Variants in PDLIM2 observed in about 807,000 individuals in gnomAD.
PDLIM2 encodes PDZ and LIM domain 2, also known as PDZ and LIM domain protein 2.
PDLIM2 carries 51 observed loss-of-function variants against 54.1 expected under a neutral mutation model. The ratio of observed to expected loss-of-function variants is 0.94; its 90% confidence interval spans 0.75 to 1.19. The LOEUF is 1.19. Ranked by LOEUF, PDLIM2 falls within the 50% of genes most tolerant of loss-of-function variation. The pLI is 0.00. For missense variants in PDLIM2, 912 were observed against 874.0 expected (o/e 1.04, Z -0.55); for synonymous variants, 398 against 385.6 (o/e 1.03, Z -0.38).
At chr8:22,597,623 A>C (rs758512304), downstream of PDLIM2, 1 of 152,050 alleles carries the variant, frequency 6.6e-6, no homozygotes, top group Admixed American at 6.6e-5. Flanking sequence ...ATCCCGCCCC[A>C]CATTCTCCAA....
rs1336352241 is a variant in PDLIM2, at chr8:22,581,304, T to G, written c.844-75T>G. 2.0e-6 allele frequency: 3 copies of G among 1,522,358 alleles called. No homozygotes were observed. In the African/African-American group the frequency reaches 4.1e-5, roughly 21 times the overall value. 94.3% of individuals were successfully genotyped at this position (1,522,358 alleles called of 1,614,324 possible). On this transcript the variant is annotated intron_variant, in intron 2 of 9. Coordinates refer to ENST00000308354, the Ensembl canonical transcript of PDLIM2. ...CCTGGGTCAAGCCAGCCTCTGTGTT[T>G]CTTGGGTAGCAGAGTGGGAAGTCCC...
intron 6 of PDLIM2, chr8:22,587,948 C>T (rs564067193): frequency 1.3e-5 from 2 of 152,464 alleles, no homozygotes; most frequent in Admixed American, 6.5e-5. Context: ...AGCCCCTCTC[C>T]CTCTGGTTGG....
At chr8:22,584,045 A>G (rs1344523144) in intron 3 of PDLIM2, among the ~76,000 whole-genome samples, 1 of 151,886 alleles carries the variant, frequency 6.6e-6, no homozygotes, top group Non-Finnish European at 1.5e-5. Flanking sequence ...TCTGTCGCCC[A>G]GCCTGGAGTG....
At chr8:22,579,558 G>A in intron 1 of PDLIM2, 1 of 1,439,584 alleles carries the variant, frequency 6.9e-7, no homozygotes, top group Non-Finnish European at 9.1e-7. Context: ...CCGCGAGCCG[G>A]CCTCGGGGAC....
chr8:22,594,682 C>A, downstream of PDLIM2: 3 of 1,592,998 alleles, frequency 1.9e-6, no homozygotes, highest in Non-Finnish European at 2.6e-6. Flanking sequence ...CGGCCGCCCA[C>A]CAAGGGTTGG....
downstream of PDLIM2, chr8:22,594,407 C>A: frequency 6.4e-7 from 1 of 1,566,556 alleles, no homozygotes; most frequent in Non-Finnish European, 8.7e-7. Context: ...CTTCTTTTCC[C>A]TCCCTCAAAT....
chr8:22,585,251 C>A, intron 5 of PDLIM2, 70 bp from the exon 5 acceptor site: 1 of 1,600,562 alleles, frequency 6.2e-7, no homozygotes. Flanking sequence ...TGCTTGGGAG[C>A]CCGGGGCAGC....
chr8:22,587,349 T>C (rs2117355500), intron 6 of PDLIM2, among the ~76,000 whole-genome samples: 1 of 152,144 alleles, frequency 6.6e-6, no homozygotes, highest in South Asian at 2.1e-4. Flanking sequence ...TTGGGCAACA[T>C]AGTGAAACCC....
chr8:22,588,971 C>T (rs1028057938), intron 6 of PDLIM2: 5 of 474,864 alleles, frequency 1.1e-5, no homozygotes, highest in East Asian at 4.4e-5. Context: ...CAGATAATAG[C>T]GTGCGTGACA....
At chr8:22,579,287 G>A (rs1160892217) in exon 1 of PDLIM2, 6 of 1,381,390 alleles carry the variant, frequency 4.3e-6, no homozygotes, top group East Asian at 3.1e-5. Context: ...GCTCCTCTCC[G>A]CGCCCCTGTC....
intron 3 of PDLIM2, 81 bp from the exon 3 acceptor site, chr8:22,584,740 T>C: frequency 1.5e-6 from 2 of 1,362,864 alleles, no homozygotes; most frequent in Non-Finnish European, 2.1e-6. Context: ...GAGAACTAGA[T>C]CTGGGAACAG....
Position 22,589,564 on chromosome 8 carries a change from A to G in PDLIM2, c.1368-32A>G, listed in dbSNP as rs781362770. ...TTGCTTGCCTAAGCTCCGGCACGGG[A>G]CCCTCATTCCTGGCTGCCTCCCACC... is the stretch of plus-strand genomic sequence containing the variant. On this transcript the variant is annotated intron_variant, in intron 7 of 9. Coordinates refer to ENST00000308354, the Ensembl canonical transcript of PDLIM2. 41 of 1,567,128 alleles carry G rather than the reference A, an allele frequency of 2.6e-5. No homozygotes were observed. The Admixed American group carries it at 3.0e-4, about 11-fold the overall frequency.
chr8:22,585,411 T>A lies in PDLIM2; in HGVS notation c.1290+12T>A, dbSNP rs751048689. 6.2e-7 allele frequency: 1 copy of A among 1,602,516 alleles called. No individual in the cohort carries two copies. The highest frequency in any genetic ancestry group is 1.1e-5 in the South Asian group (1 of 89,600). On this transcript the variant is annotated intron_variant, in intron 6 of 9. Coordinates refer to ENST00000308354, the Ensembl canonical transcript of PDLIM2. Reference sequence around the variant, plus strand: ...CTGGAAGCCGACAGGTGAGGCTCCCTGGGGGAGGACAGGCTGGAGGAACAG... The same window carrying A: ...CTGGAAGCCGACAGGTGAGGCTCCCAGGGGGAGGACAGGCTGGAGGAACAG...
At position 22,582,200 on chromosome 8, in the gene PDLIM2, G is replaced by A. The variant is rs544126651; in HGVS notation, c.995+670G>A. Among the ~76,000 whole-genome samples the A allele has an allele frequency of 4.4e-3, 671 of 152,318 alleles. 9 individuals carry two copies. Among genetic ancestry groups the A allele is most frequent in the African/African-American group, 0.015 (641 of 41,562 alleles). ...CGAGCCAGGAGAGCCCTCTGCACGG[G>A]CCTAGAACCTGAGTCAGACACCTCT... On this transcript the variant is annotated intron_variant, in intron 3 of 9. Coordinates refer to ENST00000308354, the Ensembl canonical transcript of PDLIM2.
intron 9 of PDLIM2, 25 bp downstream of exon 8, chr8:22,591,693 C>T (rs749971714): frequency 1.3e-6 from 2 of 1,585,184 alleles, no homozygotes; most frequent in South Asian, 2.3e-5. Context: ...GGGTGGGGGA[C>T]CTGAGCCTTC....
At chr8:22,592,648 C>G (rs561839828) in intron 9 of PDLIM2, 2 of 152,264 alleles carry the variant, frequency 1.3e-5, no homozygotes, top group Non-Finnish European at 2.9e-5. Flanking sequence ...GTGTGTGTGT[C>G]GGGTCCCTTG....
At chr8:22,581,346 C>A in intron 2 of PDLIM2, 33 bp from the exon 2 acceptor site, 1 of 1,566,016 alleles carries the variant, frequency 6.4e-7, no homozygotes, top group Non-Finnish European at 8.6e-7. Flanking sequence ...AGCTGGGCCA[C>A]GGTCTGAGCA....
chr8:22,596,761 G>A (rs1800691653), downstream of PDLIM2: 1 of 152,236 alleles, frequency 6.6e-6, no homozygotes, highest in Non-Finnish European at 1.5e-5. Flanking sequence ...TAAGCTCTGG[G>A]GGTGCTTTTG....
intron 9 of PDLIM2, chr8:22,592,068 C>CTTCT (rs1554555169): frequency 1.5e-4 from 18 of 122,214 alleles, no homozygotes; most frequent in African/African-American, 5.4e-4. Context: ...TCTTTTCTTT[C>CTTCT]TTTCTTTTCT....
Sources: gnomAD v4.1 joint callset for allele counts (sites outside exome capture counted in the v4.1 genomes callset) on GRCh38, gnomAD v4.1.1 for gene constraint, MANE v1.5 for transcripts, NCBI Gene and HGNC (gene_info 2026-07-23, HGNC 2026-07-21) for gene names.